TOM1L2: variants seen among roughly 807,000 people sequenced by gnomAD.
TOM1L2 encodes the protein TOM1-like protein 2.
In TOM1L2, 31 loss-of-function variants were observed where a neutral mutation model predicts 67.9. That is an observed-to-expected ratio of 0.46 (90% CI 0.34 to 0.62). The LOEUF is 0.62. TOM1L2 is among the 20% of genes least tolerant of loss of function. The probability of loss-of-function intolerance (pLI) is 0.01; values close to 1 mark genes in which losing one functional copy is unlikely to be tolerated. For missense variants in TOM1L2, 606 were observed against 663.5 expected, an observed-to-expected ratio of 0.91 and a Z score of 0.95; for synonymous variants, 256 against 254.0, an observed-to-expected ratio of 1.01 and a Z score of -0.07.
At chr17:17,961,560 A>G (rs547879832) in intron 1 of TOM1L2, among the ~76,000 whole-genome samples, 131 of 151,878 alleles carry the variant, frequency 8.6e-4, no homozygotes, top group South Asian at 1.2e-3. Flanking sequence ...GGGTGACAGA[A>G]GGAGAACGTG....
chr17:17,910,008 A>G (rs4458058), intron 1 of TOM1L2, among the ~76,000 whole-genome samples: 147,229 of 152,312 alleles, frequency 0.97, 71,188 homozygotes, highest in East Asian at 1. Context: ...CAGCCTAGGC[A>G]ACAGAGTAAG....
chr17:17,953,140 G>T (rs1267407464), intron 1 of TOM1L2, among the ~76,000 whole-genome samples: 1 of 152,092 alleles, frequency 6.6e-6, no homozygotes, highest in African/African-American at 2.4e-5. Context: ...AATTAGCCAG[G>T]CGTGGTGGTC....
At chr17:17,862,357 T>G in intron 11 of TOM1L2, 1 of 172,076 alleles carries the variant, frequency 5.8e-6, no homozygotes, top group Non-Finnish European at 1.2e-5. Flanking sequence ...AAGGAATGGG[T>G]TCACCCTGCA....
chr17:17,941,743 C>T (rs1368291732), intron 1 of TOM1L2, among the ~76,000 whole-genome samples: 1 of 152,202 alleles, frequency 6.6e-6, no homozygotes, highest in Non-Finnish European at 1.5e-5. Flanking sequence ...GAAATGGATA[C>T]ATAAGCCCTG....
intron 5 of TOM1L2, among the ~76,000 whole-genome samples, chr17:17,883,975 G>C (rs930541463): frequency 9.9e-5 from 15 of 152,062 alleles, no homozygotes; most frequent in African/African-American, 3.6e-4. Flanking sequence ...CCAGTAGAGG[G>C]ACTAGCTTCC....
chr17:17,904,257 T>C (rs1173083129), intron 2 of TOM1L2, among the ~76,000 whole-genome samples: 2 of 152,206 alleles, frequency 1.3e-5, no homozygotes, highest in Non-Finnish European at 2.9e-5. Context: ...AAGATGTGTG[T>C]GACCAGCCTT....
At chr17:17,949,938 T>C (rs970237643) in intron 1 of TOM1L2, among the ~76,000 whole-genome samples, 30 of 152,178 alleles carry the variant, frequency 2.0e-4, no homozygotes, top group Admixed American at 6.5e-5. Flanking sequence ...TGGCACAATC[T>C]CAACTCACTG....
chr17:17,910,948 C>T (rs756006287), intron 1 of TOM1L2, among the ~76,000 whole-genome samples: 1 of 152,190 alleles, frequency 6.6e-6, no homozygotes, highest in Non-Finnish European at 1.5e-5. Flanking sequence ...TTGCTGAATG[C>T]AAAATGCTAA....
At position 17,904,850 on chromosome 17, in the gene TOM1L2, C is replaced by T. The variant is rs116127128; in HGVS notation, c.137+2597G>A. On this transcript the variant is annotated intron_variant, in intron 2 of 14. Coordinates refer to ENST00000379504, the MANE Select transcript of TOM1L2 (RefSeq NM_001082968.2). ...TTTCTCCTGCCATCCTGGAAGACAG[C>T]CCCTCCAGGAAGCATTGATACCCAC... is the stretch of plus-strand genomic sequence containing the variant. Among the ~76,000 whole-genome samples, 1,131 of 152,292 alleles carry T rather than the reference C, an allele frequency of 7.4e-3. 13 individuals carry two copies. Among genetic ancestry groups the T allele is most frequent in the African/African-American group, 0.026 (1,086 of 41,552 alleles).
At chr17:17,912,584 G>A (rs1452959133) in intron 1 of TOM1L2, among the ~76,000 whole-genome samples, 3 of 151,168 alleles carry the variant, frequency 2.0e-5, no homozygotes, top group African/African-American at 7.3e-5. Flanking sequence ...CATCTCAGAC[G>A]ATGGGCGGCC....
At chr17:17,944,346 G>C (rs2040856147) in intron 1 of TOM1L2, among the ~76,000 whole-genome samples, 1 of 152,258 alleles carries the variant, frequency 6.6e-6, no homozygotes, top group Non-Finnish European at 1.5e-5. Context: ...CCCTTCATGA[G>C]TCTGTAAGCT....
At chr17:17,901,071 C>T (rs925278125) in intron 2 of TOM1L2, among the ~76,000 whole-genome samples, 3 of 152,214 alleles carry the variant, frequency 2.0e-5, no homozygotes, top group African/African-American at 7.2e-5. Flanking sequence ...GGAAATCAGA[C>T]AGTCAGCAGC....
intron 1 of TOM1L2, among the ~76,000 whole-genome samples, chr17:17,927,852 C>G (rs2040158580): frequency 6.6e-6 from 1 of 151,844 alleles, no homozygotes; most frequent in Non-Finnish European, 1.5e-5. Flanking sequence ...CGTGGTACAG[C>G]CAGGGTTTCA....
At chr17:17,917,070 GAGTCAC>G (rs1349999689) in intron 1 of TOM1L2, among the ~76,000 whole-genome samples, 1 of 152,216 alleles carries the variant, frequency 6.6e-6, no homozygotes. Flanking sequence ...TGAGGCAGGA[GAGTCAC>G]TTGAACTCAG....
At position 17,936,756 on chromosome 17, in the gene TOM1L2, A is replaced by G. The variant is rs79673844; in HGVS notation, c.53-29225T>C. On this transcript the variant is annotated intron_variant, in intron 1 of 14. Coordinates refer to ENST00000379504, the MANE Select transcript of TOM1L2 (RefSeq NM_001082968.2). ...CAGGGCACAAAATTGTACTTACAGC[A>G]TTATCTCTGTAAAGAAAAATGTTTT... 1.2e-3 allele frequency among the ~76,000 whole-genome samples: 190 copies of G among 152,310 alleles called. 2 individuals are homozygous for G. The East Asian group carries it at 0.033, about 26-fold the overall frequency.
In TOM1L2 at chr17:17,846,075, A is replaced by G. The variant is rs548154263; in HGVS notation, c.*1560T>C. Reference sequence around the variant, plus strand: ...ACTGGAATAGTTCCTGTTGGTGCTCAGCATGACCCCCAGCTGAAGTCGCCA... The same window carrying G: ...ACTGGAATAGTTCCTGTTGGTGCTCGGCATGACCCCCAGCTGAAGTCGCCA... On this transcript the variant is annotated 3_prime_UTR_variant, in exon 15 of 15. Transcript: ENST00000379504. 6.6e-6 allele frequency: 1 copy of G among 152,438 alleles called. No homozygotes were observed. The highest frequency in any genetic ancestry group is 2.4e-5 in the African/African-American group (1 of 41,580). The allele number at this position is 152,438 out of a possible 1,614,324, so 9.4% of individuals were successfully genotyped here.
chr17:17,912,230 G>A (rs1159867673), intron 1 of TOM1L2, among the ~76,000 whole-genome samples: 4 of 151,588 alleles, frequency 2.6e-5, no homozygotes, highest in Non-Finnish European at 5.9e-5. Context: ...AGTAGGGGCG[G>A]CTGGGCAGAG....
chr17:17,882,748 G>C lies in TOM1L2; in HGVS notation c.617C>G (p.Pro206Arg), dbSNP rs139158330. 2 of 1,614,120 alleles carry C rather than the reference G, an allele frequency of 1.2e-6. No homozygotes were observed. The highest frequency in any genetic ancestry group is 2.7e-5 in the African/African-American group (2 of 74,946). ...GATGGGGCCAGTCACACTCAGAGCT[G>C]GGGCCTGCGGTGCGGAGTAGGGAGC... ...PPAPYSAPQA[P>R]ALSVTGPITA... is the part of the protein sequence containing the mutation. Residue 206 changes from proline (P) to arginine (R), a missense_variant, in exon 6 of 15, where the codon CCA becomes CGA. By Grantham distance (103) the Pro-to-Arg change is moderately radical (BLOSUM62 -2). Coordinates refer to ENST00000379504, the MANE Select transcript of TOM1L2 (RefSeq NM_001082968.2).
rs2035712248 is a variant in TOM1L2, at chr17:17,847,576, CG to C, written c.*58del. 2.6e-6 allele frequency: 4 copies of C among 1,548,384 alleles called. No homozygotes were observed. On this transcript the variant is annotated 3_prime_UTR_variant, in exon 15 of 15. Transcript: ENST00000379504. The stretch of plus-strand genomic sequence containing the variant: ...TGGGGATGTAGGAGTGGCCAGTGCC[CG>C]GTGTCCACGGGGTGCGAGCGGGGAC...
Sources: allele counts gnomAD v4.1 joint callset (sites outside exome capture counted in the v4.1 genomes callset), GRCh38; gene constraint gnomAD v4.1.1; transcripts MANE v1.5; gene names NCBI Gene and HGNC (gene_info 2026-07-23, HGNC 2026-07-21).